The following PRR16 variants were observed in gnomAD, a reference collection of about 807,000 sequenced individuals.
PRR16 encodes protein Largen.
A neutral mutation model predicts 18.2 loss-of-function variants in PRR16; 6 were observed. That is an observed-to-expected ratio of 0.33 (90% CI 0.18 to 0.65). The LOEUF (loss-of-function observed/expected upper bound fraction) is 0.65. Among genes scored for constraint, PRR16 ranks in the 30% least tolerant of loss-of-function variants. PRR16 has a pLI of 0.74. For missense variants in PRR16, 412 were observed against 376.6 expected, an observed-to-expected ratio of 1.09 and a Z score of -0.78; for synonymous variants, 151 against 147.8, an observed-to-expected ratio of 1.02 and a Z score of -0.16.
intron 1 of PRR16, among the ~76,000 whole-genome samples, chr5:120,632,198 C>G (rs1026051994): frequency 6.6e-6 from 1 of 152,170 alleles, no homozygotes; most frequent in Non-Finnish European, 1.5e-5. Flanking sequence ...GAACACCACA[C>G]CAAGGGAGCA....
chr5:120,754,497 T>TA, the PRR16 span, among the ~76,000 whole-genome samples: 90 of 47,470 alleles, frequency 1.9e-3, 1 homozygote, highest in South Asian at 4.5e-3. Flanking sequence ...ATAGTATGTA[T>TA]TTTATTATGT....
the PRR16 span, among the ~76,000 whole-genome samples, chr5:120,702,039 T>C: frequency 6.6e-6 from 1 of 150,724 alleles, no homozygotes; most frequent in African/African-American, 2.4e-5. Flanking sequence ...GCCAAGGGAG[T>C]AGAAGAAGGA....
intron 1 of PRR16, among the ~76,000 whole-genome samples, chr5:120,477,746 C>A (rs957036049): frequency 7.9e-5 from 12 of 152,270 alleles, no homozygotes; most frequent in Middle Eastern, 6.8e-3. Flanking sequence ...TGTTATGGTT[C>A]TAATGTCCTC....
At chr5:120,481,024 G>A (rs1265650214) in intron 1 of PRR16, 1 of 872,584 alleles carries the variant, frequency 1.1e-6, no homozygotes, top group Non-Finnish European at 1.5e-6. Flanking sequence ...AATTAGCATT[G>A]ACTTGAAGTA....
chr5:120,723,352 CCA>C, the PRR16 span, among the ~76,000 whole-genome samples: 1 of 151,750 alleles, frequency 6.6e-6, no homozygotes, highest in African/African-American at 2.4e-5. Flanking sequence ...AAACGTAAAA[CCA>C]CATTCATTTC....
At chr5:120,656,920 T>A (rs1755999082) in intron 1 of PRR16, among the ~76,000 whole-genome samples, 1 of 151,998 alleles carries the variant, frequency 6.6e-6, no homozygotes, top group Non-Finnish European at 1.5e-5. Flanking sequence ...TAGGAATATT[T>A]GAGGTTAAAA....
chr5:120,710,071 T>C, the PRR16 span, among the ~76,000 whole-genome samples: 7 of 152,344 alleles, frequency 4.6e-5, no homozygotes, highest in South Asian at 1.4e-3. Flanking sequence ...ATGGTGGCTG[T>C]ACTAATTTAC....
chr5:120,591,871 C>T (rs1282742347), intron 1 of PRR16, among the ~76,000 whole-genome samples: 1 of 151,992 alleles, frequency 6.6e-6, no homozygotes, highest in African/African-American at 2.4e-5. Context: ...CTTGAATCTT[C>T]GAAAGTACCA....
intron 1 of PRR16, among the ~76,000 whole-genome samples, chr5:120,577,138 A>G (rs887272586): frequency 2.0e-5 from 3 of 152,056 alleles, no homozygotes; most frequent in African/African-American, 7.2e-5. Context: ...GTTTATACTA[A>G]TATGATTCAC....
intron 1 of PRR16, among the ~76,000 whole-genome samples, chr5:120,679,988 A>T (rs1756922896): frequency 6.6e-6 from 1 of 152,138 alleles, no homozygotes; most frequent in South Asian, 2.1e-4. Context: ...AAATTAGTAG[A>T]TTATAGCTGC....
At chr5:120,485,979 T>A (rs962801645) in intron 1 of PRR16, among the ~76,000 whole-genome samples, 1 of 152,194 alleles carries the variant, frequency 6.6e-6, no homozygotes, top group Non-Finnish European at 1.5e-5. Context: ...GGACATGAAC[T>A]CATCATTTCT....
chr5:120,537,577 C>T (rs1016308600), intron 1 of PRR16, among the ~76,000 whole-genome samples: 6 of 134,106 alleles, frequency 4.5e-5, no homozygotes, highest in Non-Finnish European at 9.5e-5. Context: ...GACCCCCACA[C>T]CAATTGCTAT....
At chr5:120,616,550 G>A (rs1454729498) in intron 1 of PRR16, among the ~76,000 whole-genome samples, 2 of 152,122 alleles carry the variant, frequency 1.3e-5, no homozygotes, top group Non-Finnish European at 2.9e-5. Context: ...CTGATGCAAG[G>A]TATCCCTTTA....
the PRR16 span, among the ~76,000 whole-genome samples, chr5:120,697,525 T>G: frequency 6.6e-6 from 1 of 152,186 alleles, no homozygotes; most frequent in Non-Finnish European, 1.5e-5. Flanking sequence ...TTTAGTATGG[T>G]TATGTTCAGC....
At chr5:120,754,417 A>ATAT in the PRR16 span, among the ~76,000 whole-genome samples, 1 of 100,842 alleles carries the variant, frequency 9.9e-6, no homozygotes, top group African/African-American at 4.1e-5. Flanking sequence ...TATATACTAT[A>ATAT]TATTATATAA....
At chr5:120,607,503 G>A (rs1436335700) in intron 1 of PRR16, among the ~76,000 whole-genome samples, 2 of 152,128 alleles carry the variant, frequency 1.3e-5, no homozygotes, top group African/African-American at 4.8e-5. Context: ...GGTGCAGATG[G>A]AGTTGGCTCC....
intron 1 of PRR16, among the ~76,000 whole-genome samples, chr5:120,530,254 A>ATATATATAT (rs1751500371): frequency 1.9e-5 from 2 of 106,732 alleles, no homozygotes; most frequent in African/African-American, 8.3e-5. Context: ...AGTGTGTGTA[A>ATATATATAT]ATATATATAT....
chr5:120,474,441 A>C (rs1412468748), intron 1 of PRR16, among the ~76,000 whole-genome samples: 1 of 152,160 alleles, frequency 6.6e-6, no homozygotes. Flanking sequence ...CTAGGAACCC[A>C]AAGGACTACT....
At chr5:120,728,325 C>CTTT in the PRR16 span, among the ~76,000 whole-genome samples, 58 of 146,480 alleles carry the variant, frequency 4.0e-4, no homozygotes, top group Middle Eastern at 3.6e-3. Context: ...CAAAAATAAC[C>CTTT]TTTTTTTTTT....
Sources: allele counts gnomAD v4.1 joint callset (sites outside exome capture counted in the v4.1 genomes callset), GRCh38; gene constraint gnomAD v4.1.1; transcripts MANE v1.5; gene names NCBI Gene and HGNC (gene_info 2026-07-23, HGNC 2026-07-21).